Variants in ULK3 observed in about 807,000 individuals in gnomAD.
ULK3 encodes serine/threonine-protein kinase ULK3.
In ULK3, 54 loss-of-function variants were observed where a neutral mutation model predicts 69.4. The observed-to-expected ratio is 0.78, with a 90% CI of 0.63 to 0.98. ULK3 has a LOEUF of 0.98. Ranked by LOEUF, ULK3 falls within the 50% of genes least tolerant of loss-of-function variation. The pLI, the probability that ULK3 is intolerant of heterozygous loss-of-function variation, is 0.00. For synonymous variants in ULK3, 240 were observed against 254.5 expected (o/e 0.94, Z 0.54); for missense variants, 558 against 627.7 (o/e 0.89, Z 1.19).
In ULK3 at chr15:74,837,799, C is replaced by G; in HGVS notation, c.1288-1G>C. ...CAGCTCGGGCCATGAGGTTCTGAAC[C>G]TGCCAAGGAAAGATATGCCCTTGGG... On this transcript the variant is annotated splice_acceptor_variant, in intron 13 of 15. Transcript: ENST00000440863. LOFTEE classifies it high-confidence loss of function. 1 of 1,593,746 alleles carries G rather than the reference C, an allele frequency of 6.3e-7. No homozygotes were observed. The highest frequency in any genetic ancestry group is 8.6e-7 in the Non-Finnish European group (1 of 1,169,522).
intron 14 of ULK3, 32 bp downstream of exon 14, chr15:74,837,719 C>T (rs775173087): frequency 2.5e-6 from 4 of 1,580,446 alleles, no homozygotes; most frequent in African/African-American, 2.7e-5. Flanking sequence ...AACCCACAGA[C>T]CCTAGCCCCA....
Position 74,840,220 on chromosome 15 carries a change from C to T in ULK3, c.696+14G>A, listed in dbSNP as rs1325176887. On this transcript the variant is annotated intron_variant, in intron 6 of 15. Transcript: ENST00000440863. ...TCTGCCCCCCAGTGGTCGCTAAGGC[C>T]CTGCTAGACACACCTCGATGACCCG... 1 of 1,603,454 alleles carries T rather than the reference C, an allele frequency of 6.2e-7. No individual in the cohort carries two copies. Among genetic ancestry groups the T allele is most frequent in the Middle Eastern group, 1.7e-4 (1 of 6,050 alleles).
intron 4 of ULK3, 193 bp from the exon 5 acceptor site, chr15:74,840,834 C>A: frequency 1.4e-6 from 1 of 719,228 alleles, no homozygotes; most frequent in South Asian, 2.2e-5. Flanking sequence ...CCCATCCTTC[C>A]CAGCTCCCTT....
At position 74,838,665 on chromosome 15, in the gene ULK3, G is replaced by C. The variant is rs973679289; in HGVS notation, c.1080C>G (p.Thr360=). 3.7e-6 allele frequency: 6 copies of C among 1,611,998 alleles called. No homozygotes were observed. The highest frequency in any genetic ancestry group is 5.1e-6 in the Non-Finnish European group (6 of 1,179,042). Residue 360 remains threonine, a synonymous_variant, in exon 10 of 16, where the codon ACC becomes ACG. Transcript: ENST00000440863. Reference sequence around the variant, plus strand: ...TACCTCTGAGCAGGTCTCGGGCAGAGGTCCCCTGCCTCAGCAGGGCCTGAT... The same window carrying C: ...TACCTCTGAGCAGGTCTCGGGCAGACGTCCCCTGCCTCAGCAGGGCCTGAT... ...SSNQALLRQG[T]SARDLLREMA...
Position 74,840,715 on chromosome 15 carries a change from A to G in ULK3, c.470-74T>C. 7 of 1,491,952 alleles carry G rather than the reference A, an allele frequency of 4.7e-6. No homozygotes were observed. In the South Asian group the frequency reaches 8.4e-5, roughly 18 times the overall value. 92.4% of individuals were successfully genotyped at this position (1,491,952 alleles called of 1,614,324 possible). On this transcript the variant is annotated intron_variant, in intron 4 of 15. Coordinates refer to ENST00000440863, the MANE Select transcript of ULK3 (RefSeq NM_001099436.4). ...CTCCTGACTTGTAAAGCCTCACCCC[A>G]GGCTCCTCTCCACCCTCCAGACCCG...
chr15:74,837,602 G>A, intron 14 of ULK3, 149 bp downstream of exon 14: 1 of 1,340,460 alleles, frequency 7.5e-7, no homozygotes, highest in Non-Finnish European at 1.0e-6. Flanking sequence ...TGCCGAGCAA[G>A]AGAGAGAGTG....
chr15:74,839,606 G>C lies in ULK3; in HGVS notation c.804C>G (p.Pro268=), dbSNP rs1315137698. ...RISFQDFFAH[P]WVDLEHMPSG... ...TGGGCATGTGCTCCAGGTCCACCCA[G>C]GGGTGCGCAAAAAAGTCCTGGAAGG... is the stretch of plus-strand genomic sequence containing the variant. Residue 268 remains proline, a synonymous_variant, in exon 7 of 16, where the codon CCC becomes CCG. Transcript: ENST00000440863. The C allele has an allele frequency of 6.4e-7, 1 of 1,563,658 alleles. No homozygotes were observed. The highest frequency in any genetic ancestry group is 8.7e-7 in the Non-Finnish European group (1 of 1,155,366).
intron 4 of ULK3, among the ~76,000 whole-genome samples, chr15:74,841,111 C>T (rs907061432): frequency 2.0e-5 from 3 of 152,190 alleles, no homozygotes; most frequent in Non-Finnish European, 4.4e-5. Context: ...GCTTGTCACA[C>T]GCTGAACCCT....
chr15:74,837,929 C>T, intron 13 of ULK3, 131 bp from the exon 14 acceptor site: 1 of 1,185,838 alleles, frequency 8.4e-7, no homozygotes, highest in Non-Finnish European at 1.2e-6. Context: ...CTCCTGAGTC[C>T]CTTATCTGCT....
chr15:74,840,011 C>T (rs1411250043), intron 6 of ULK3, among the ~76,000 whole-genome samples: 1 of 152,156 alleles, frequency 6.6e-6, no homozygotes. Context: ...TTTGCATTCT[C>T]CCCACAAGGG....
Position 74,842,648 on chromosome 15 carries a change from C to A in ULK3, c.103-228G>T, listed in dbSNP as rs1485823304. ...CCTCAGCCTGGTCTTCTCCAACCCT[C>A]GGCTAGCTGATCCATTTCTTTGCAT... On this transcript the variant is annotated intron_variant, in intron 1 of 15. Coordinates refer to ENST00000440863, the MANE Select transcript of ULK3 (RefSeq NM_001099436.4). The surrounding 1 kb of genome is among the most constrained non-coding windows in gnomAD (Gnocchi z 4.9). 6.5e-7 allele frequency: 1 copy of A among 1,536,352 alleles called. No individual in the cohort carries two copies. Among genetic ancestry groups the A allele is most frequent in the East Asian group, 2.4e-5 (1 of 40,944 alleles).
rs532207597 is a variant in ULK3, at chr15:74,840,201, C to T, written c.696+33G>A. ...CCTCAGGGCCCTGACTCCCTCTGCC[C>T]CCCAGTGGTCGCTAAGGCCCTGCTA... On this transcript the variant is annotated intron_variant, in intron 6 of 15. Transcript: ENST00000440863. 5.7e-6 allele frequency: 9 copies of T among 1,583,936 alleles called. No individual in the cohort carries two copies. In the South Asian group the frequency reaches 1.0e-4, roughly 18 times the overall value.
In ULK3 at chr15:74,842,905, CCTAA is replaced by C. The variant is rs2064314577; in HGVS notation, c.102+95_102+98del. On this transcript the variant is annotated intron_variant, in intron 1 of 15. Transcript: ENST00000440863. The surrounding 1 kb of genome is among the most constrained non-coding windows in gnomAD (Gnocchi z 4.9). ...GCTGGGGCGAGGCCGGCCTCCCGCC[CCTAA>C]CTATTCCCACACTGTCGCTAACCTC... The C allele has an allele frequency of 6.4e-6, 9 of 1,395,568 alleles. No individual in the cohort carries two copies. The highest frequency in any genetic ancestry group is 8.7e-6 in the Non-Finnish European group (9 of 1,037,968). The allele number at this position is 1,395,568 out of a possible 1,614,324, so 86.4% of individuals were successfully genotyped here. A position where few individuals can be genotyped will look rare whatever the true frequency, so the allele number is the denominator to read the frequency against.
intron 9 of ULK3, 82 bp from the exon 10 acceptor site, chr15:74,838,827 T>C (rs1567234902): frequency 6.9e-7 from 1 of 1,440,558 alleles, no homozygotes. Context: ...TCCCTTTGCA[T>C]TGTTAGTGAC....
rs1458533480 is a variant in ULK3 at position 74,837,208 on chromosome 15, G to A, written c.*20C>T. ...CCTCTGCTCCAGATGGCTCACATCT[G>A]TCCAATCATTCTTCTAGGGTCACTG... On this transcript the variant is annotated 3_prime_UTR_variant, in exon 16 of 16. Transcript: ENST00000440863. The A allele has an allele frequency of 6.5e-7, 1 of 1,548,402 alleles. No individual in the cohort carries two copies. Among genetic ancestry groups the A allele is most frequent in the Non-Finnish European group, 8.7e-7 (1 of 1,145,358 alleles).
At chr15:74,840,874 T>G (rs2064222361) in intron 4 of ULK3, among the ~76,000 whole-genome samples, 1 of 152,044 alleles carries the variant, frequency 6.6e-6, no homozygotes, top group African/African-American at 2.4e-5. Flanking sequence ...GCCCACCTGA[T>G]CACACCAGCT....
Position 74,838,721 on chromosome 15 carries a change from C to A in ULK3, c.1024G>T (p.Glu342Ter). The A allele has an allele frequency of 6.2e-7, 1 of 1,611,102 alleles. No homozygotes were observed. The highest frequency in any genetic ancestry group is 1.7e-5 in the Admixed American group (1 of 59,800). The change falls in exon 10 of 16, where the codon GAG (glutamate) becomes TAG (stop). Residue 342 changes from glutamate (E) to a stop codon, truncating the protein, a stop_gained. Transcript: ENST00000440863. LOFTEE classifies it high-confidence loss of function. ...AKVGQYVSRA[E>*]ELKAIVSSSN... ...GAGGAGACGATGGCCTTGAGCTCCT[C>A]AGCCCGGGACACGTACTGCCCCACC...
Position 74,838,408 on chromosome 15 carries a change from G to A in ULK3, c.1167+32C>T, listed in dbSNP as rs199534440. The stretch of plus-strand genomic sequence containing the variant: ...CCTGGGTATCTCCCTGCCCTGCCCC[G>A]ACCCACCTGGACCCCTCCCACTGGC... On this transcript the variant is annotated intron_variant, in intron 11 of 15. Transcript: ENST00000440863. 4.3e-5 allele frequency: 68 copies of A among 1,563,222 alleles called. No individual in the cohort carries two copies. The African/African-American group carries it at 4.8e-4, about 11-fold the overall frequency.
chr15:74,842,088 G>A lies in ULK3; in HGVS notation c.351C>T (p.Phe117=). Residue 117 remains phenylalanine (F), a synonymous_variant, in exon 3 of 16, where the codon TTC becomes TTT. Coordinates refer to ENST00000440863, the MANE Select transcript of ULK3 (RefSeq NM_001099436.4). This position sits in a 1 kb window ranked among gnomAD's most constrained non-coding sequence, Gnocchi z 4.9. ...RILPEKVARV[F]MQQLASALQF... ...ACAGGCCTTTACCTAATTGCTGCAT[G>A]AAGACACGCGCCACCTTCTCAGGCA... The A allele has an allele frequency of 6.2e-7, 1 of 1,613,888 alleles. No homozygotes were observed.
Sources: gnomAD v4.1 joint callset for allele counts (sites outside exome capture counted in the v4.1 genomes callset) on GRCh38, gnomAD v4.1.1 for gene constraint, Gnocchi (gnomAD v3.1) non-coding constraint, MANE v1.5 for transcripts, NCBI Gene and HGNC (gene_info 2026-07-23, HGNC 2026-07-21) for gene names.